TBL1XR1: variants seen among roughly 807,000 people sequenced by gnomAD.
TBL1XR1 encodes F-box-like/WD repeat-containing protein TBL1XR1.
TBL1XR1 carries 5 observed loss-of-function variants against 66.9 expected under a neutral mutation model. The ratio of observed to expected loss-of-function variants is 0.07; its 90% CI spans 0.04 to 0.16. TBL1XR1 has a LOEUF of 0.16. Ranked by LOEUF, TBL1XR1 falls within the 10% of genes least tolerant of loss-of-function variation. TBL1XR1 has a pLI of 1.00. For synonymous variants in TBL1XR1, 210 were observed against 206.0 expected (o/e 1.02, Z -0.17); for missense variants, 238 against 623.2 (o/e 0.38, Z 6.58).
At chr3:177,178,346 T>C (rs1191300755) in intron 1 of TBL1XR1, among the ~76,000 whole-genome samples, 1 of 152,112 alleles carries the variant, frequency 6.6e-6, no homozygotes, top group Non-Finnish European at 1.5e-5. Flanking sequence ...TAAAAATAAG[T>C]ATAAATGTTT....
intron 2 of TBL1XR1, among the ~76,000 whole-genome samples, chr3:177,097,578 G>A (rs915327261): frequency 4.0e-5 from 6 of 149,154 alleles, no homozygotes; most frequent in African/African-American, 1.6e-4. Context: ...TATATCACAT[G>A]ATTGCCATTT....
At chr3:177,192,161 G>T (rs542195420) in intron 1 of TBL1XR1, among the ~76,000 whole-genome samples, 3 of 151,742 alleles carry the variant, frequency 2.0e-5, no homozygotes, top group African/African-American at 7.3e-5. Context: ...ACTTTGGGAG[G>T]CCAAAGCGGG....
At chr3:177,166,486 T>G (rs1348948863) in intron 1 of TBL1XR1, among the ~76,000 whole-genome samples, 1 of 152,154 alleles carries the variant, frequency 6.6e-6, no homozygotes, top group Non-Finnish European at 1.5e-5. Context: ...AAGGGCCTCA[T>G]GGGAGGTGAA....
At chr3:177,026,243 GAAAA>G (rs3046447) in intron 15 of TBL1XR1, 126 bp downstream of exon 15, 3 of 615,242 alleles carry the variant, frequency 4.9e-6, no homozygotes, top group Middle Eastern at 4.1e-4. Context: ...ACAGCCTCAG[GAAAA>G]AAAAAAATCA....
chr3:177,195,383 C>T (rs1455845566), intron 1 of TBL1XR1, among the ~76,000 whole-genome samples: 1 of 149,840 alleles, frequency 6.7e-6, no homozygotes, highest in African/African-American at 2.4e-5. Flanking sequence ...TGATACCACC[C>T]AACCCACACC....
chr3:177,151,138 G>T (rs992417501), intron 1 of TBL1XR1, among the ~76,000 whole-genome samples: 7 of 152,314 alleles, frequency 4.6e-5, no homozygotes, highest in Non-Finnish European at 7.3e-5. Context: ...TGAGTCACTT[G>T]TGAAGGGCCA....
intron 1 of TBL1XR1, among the ~76,000 whole-genome samples, chr3:177,136,968 A>G (rs1489277729): frequency 6.6e-6 from 1 of 152,222 alleles, no homozygotes; most frequent in Non-Finnish European, 1.5e-5. Context: ...TCTCTCAAAA[A>G]AGATGACCTC....
chr3:177,092,948 A>G (rs1723016408), intron 2 of TBL1XR1, among the ~76,000 whole-genome samples: 1 of 152,134 alleles, frequency 6.6e-6, no homozygotes, highest in African/African-American at 2.4e-5. Context: ...CATAGTACTT[A>G]CTGGAAGTCC....
At position 177,026,474 on chromosome 3, in the gene TBL1XR1, T is replaced by C; in HGVS notation, c.1417A>G (p.Thr473Ala). ...CTATAGCTGTGAACTAGAGCACCTG[T>C]CTAAAAGAATGAAAAACAAAATCTT... ...DKCVHIWNTQTGALVHSYRGT... is the reference protein window; with the variant it reads ...DKCVHIWNTQAGALVHSYRGT... Residue 473 changes from threonine to alanine, a missense_variant and splice_region_variant, in exon 15 of 16, where the codon ACA (threonine) becomes GCA (alanine). Physicochemically the swap from Thr to Ala is moderately conservative, Grantham distance 58. Coordinates refer to ENST00000457928, the MANE Select transcript of TBL1XR1 (RefSeq NM_024665.7). 6.3e-7 allele frequency: 1 copy of C among 1,575,390 alleles called. No individual in the cohort carries two copies. The highest frequency in any genetic ancestry group is 8.6e-7 in the Non-Finnish European group (1 of 1,168,334).
At chr3:177,040,237 C>T (rs1026607931) in intron 10 of TBL1XR1, among the ~76,000 whole-genome samples, 1 of 152,164 alleles carries the variant, frequency 6.6e-6, no homozygotes, top group African/African-American at 2.4e-5. Context: ...ACTGCTTGAG[C>T]TGGGGAGGCC....
chr3:177,201,009 A>G (rs1483198965), upstream of TBL1XR1, among the ~76,000 whole-genome samples: 2 of 151,644 alleles, frequency 1.3e-5, no homozygotes, highest in Non-Finnish European at 1.5e-5. Context: ...TCCGTCTCAA[A>G]AAAAAAAAGT....
intron 2 of TBL1XR1, among the ~76,000 whole-genome samples, chr3:177,095,900 G>A (rs993494492): frequency 3.3e-5 from 5 of 152,160 alleles, no homozygotes; most frequent in African/African-American, 1.2e-4. Context: ...GTAAGGGGAA[G>A]AAAAATGTTT....
chr3:177,033,181 C>G (rs762519548), intron 13 of TBL1XR1, 45 bp from the exon 14 acceptor site: 17 of 1,447,214 alleles, frequency 1.2e-5, no homozygotes, highest in Non-Finnish European at 1.5e-5. Context: ...TAAGGAAATA[C>G]TCCCCCAGCC....
intron 9 of TBL1XR1, among the ~76,000 whole-genome samples, chr3:177,046,813 C>CG (rs1716388943): frequency 1.3e-5 from 2 of 152,154 alleles, no homozygotes; most frequent in African/African-American, 4.8e-5. Flanking sequence ...CATGCCCTTT[C>CG]CTGGATTAAG....
At chr3:177,034,076 A>C in intron 13 of TBL1XR1, 122 bp downstream of exon 13, 1 of 1,145,620 alleles carries the variant, frequency 8.7e-7, no homozygotes, top group South Asian at 1.5e-5. Flanking sequence ...AAAACTACTG[A>C]AATTGGAAAA....
At position 177,025,298 on chromosome 3, in the gene TBL1XR1, G is replaced by A. The variant is rs183432695; in HGVS notation, c.*200C>T. On this transcript the variant is annotated 3_prime_UTR_variant, in exon 16 of 16. Coordinates refer to ENST00000457928, the MANE Select transcript of TBL1XR1 (RefSeq NM_024665.7). ...ATTAGATTCCAGCACTTGGTGAACA[G>A]AATTCACAAGCTGTGACAAAACTCT... 6.4e-6 allele frequency: 3 copies of A among 465,800 alleles called. No individual in the cohort carries two copies. Among genetic ancestry groups the A allele is most frequent in the East Asian group, 3.3e-5 (1 of 30,182 alleles). 28.9% of individuals were successfully genotyped at this position (465,800 alleles called of 1,614,324 possible). A position where few individuals can be genotyped will look rare whatever the true frequency, so the allele number is the denominator to read the frequency against.
At chr3:177,192,170 G>A (rs990901391) in intron 1 of TBL1XR1, among the ~76,000 whole-genome samples, 18 of 151,766 alleles carry the variant, frequency 1.2e-4, no homozygotes, top group Non-Finnish European at 2.5e-4. Flanking sequence ...GGCCAAAGCG[G>A]GCAGATCACA....
chr3:177,029,346 A>G (rs944504286), intron 14 of TBL1XR1, among the ~76,000 whole-genome samples: 1 of 152,150 alleles, frequency 6.6e-6, no homozygotes, highest in Non-Finnish European at 1.5e-5. Flanking sequence ...TCTGGGCGTG[A>G]TGCCTCATGC....
chr3:177,048,547 T>C (rs142386620), intron 7 of TBL1XR1, among the ~76,000 whole-genome samples: 8 of 152,280 alleles, frequency 5.3e-5, no homozygotes, highest in Non-Finnish European at 8.8e-5. Context: ...TAGGGCTCTG[T>C]CTCAAGAAGA....
Sources: gnomAD v4.1 joint callset for allele counts (sites outside exome capture counted in the v4.1 genomes callset) on GRCh38, gnomAD v4.1.1 for gene constraint, MANE v1.5 for transcripts, NCBI Gene and HGNC (gene_info 2026-07-23, HGNC 2026-07-21) for gene names.